Variants in PFKFB2 observed in about 807,000 individuals in gnomAD.
PFKFB2 encodes 6-phosphofructo-2-kinase/fructose-2,6-bisphosphatase 2.
PFKFB2 carries 53 observed loss-of-function variants against 68.0 expected under a neutral mutation model. That is an observed-to-expected ratio of 0.78 (90% CI 0.63 to 0.98). The LOEUF is 0.98. PFKFB2 is among the 50% of genes least tolerant of loss of function. The pLI is 0.00. For synonymous variants in PFKFB2, 222 were observed against 227.6 expected (o/e 0.98, Z 0.22); for missense variants, 451 against 642.0 (o/e 0.70, Z 3.22).
At position 207,072,227 on chromosome 1, in the gene PFKFB2, C is replaced by T; in HGVS notation, c.1374C>T (p.Thr458=). The T allele has an allele frequency of 6.2e-7, 1 of 1,614,012 alleles. No individual in the cohort carries two copies. Among genetic ancestry groups the T allele is most frequent in the South Asian group, 1.1e-5 (1 of 91,062 alleles). ...AGAACAACTTCCCCAAGAACCAAAC[C>T]CCTGTAAGGATGAGAAGGAACAGCT... The part of the protein sequence containing the change: ...KPTNNFPKNQ[T]PVRMRRNSFT... The change falls in exon 15 of 15, where the codon ACC becomes ACT. Residue 458 remains threonine (T), a synonymous_variant. Transcript: ENST00000367080.
chr1:207,072,680 C>T lies in PFKFB2; in HGVS notation c.*309C>T. ...ATACACTCCCTTGGGGCTGAGCATG[C>T]CCCACACTCTTGGATCTTCTCTCTG... On this transcript the variant is annotated 3_prime_UTR_variant, in exon 15 of 15. Coordinates refer to ENST00000367080, the MANE Select transcript of PFKFB2 (RefSeq NM_006212.2). The T allele has an allele frequency of 9.0e-7, 1 of 1,112,886 alleles. No homozygotes were observed. The highest frequency in any genetic ancestry group is 1.1e-6 in the Non-Finnish European group (1 of 910,654). The allele number at this position is 1,112,886 out of a possible 1,614,324, so 68.9% of individuals were successfully genotyped here. A position where few individuals can be genotyped will look rare whatever the true frequency, so the allele number is the denominator to read the frequency against.
chr1:207,067,408 C>T, intron 8 of PFKFB2, 91 bp from the exon 9 acceptor site: 1 of 858,778 alleles, frequency 1.2e-6, no homozygotes, highest in Admixed American at 2.2e-5. Flanking sequence ...CAGCTGTGAG[C>T]CTGCAAGTCC....
chr1:207,037,723 G>C (rs555371254), intron 1 of PFKFB2, among the ~76,000 whole-genome samples: 28 of 152,254 alleles, frequency 1.8e-4, no homozygotes, highest in African/African-American at 6.5e-4. Flanking sequence ...AATTCTTGGA[G>C]ATCCTATCTC....
chr1:207,058,645 G>T (rs532342978), intron 2 of PFKFB2, among the ~76,000 whole-genome samples: 1 of 152,040 alleles, frequency 6.6e-6, no homozygotes, highest in East Asian at 1.9e-4. Flanking sequence ...TTGAGACCGG[G>T]TTATGAGACT....
Position 207,073,035 on chromosome 1 carries a change from G to T in PFKFB2, c.*664G>T. The T allele has an allele frequency of 3.0e-6, 3 of 985,492 alleles. No homozygotes were observed. Among genetic ancestry groups the T allele is most frequent in the African/African-American group, 3.5e-5 (2 of 57,338 alleles). The allele number at this position is 985,492 out of a possible 1,614,324, so 61.0% of individuals were successfully genotyped here. On this transcript the variant is annotated 3_prime_UTR_variant, in exon 15 of 15. Transcript: ENST00000367080. Reference sequence around the variant, plus strand: ...CCTTTCCTTTCTCCCTTCCTCTCCAGCCAGGTCCTGTAAGGGCCAGCCCAG... The same window carrying T: ...CCTTTCCTTTCTCCCTTCCTCTCCATCCAGGTCCTGTAAGGGCCAGCCCAG...
At position 207,073,518 on chromosome 1, in the gene PFKFB2, A is replaced by G. The variant is rs1374631980; in HGVS notation, c.*1147A>G. ...ACACTGTCCTTAAGAAGAAAGAAACATCAAAACAAAATAGTTTTTACATGA... is the reference window on the plus strand; with the variant it reads ...ACACTGTCCTTAAGAAGAAAGAAACGTCAAAACAAAATAGTTTTTACATGA... On this transcript the variant is annotated 3_prime_UTR_variant, in exon 15 of 15. Coordinates refer to ENST00000367080, the MANE Select transcript of PFKFB2 (RefSeq NM_006212.2). 3 of 985,242 alleles carry G rather than the reference A, an allele frequency of 3.0e-6. No homozygotes were observed. Among genetic ancestry groups the G allele is most frequent in the Admixed American group, 6.1e-5 (1 of 16,278 alleles). 61.0% of individuals were successfully genotyped at this position (985,242 alleles called of 1,614,324 possible).
In PFKFB2 at chr1:207,042,538, ACT is replaced by A. The variant is rs927673349; in HGVS notation, c.-18+329_-18+330del. 1.7e-4 allele frequency among the ~76,000 whole-genome samples: 19 copies of A among 113,014 alleles called. No homozygotes were observed. In the East Asian group the frequency reaches 1.9e-3, roughly 11 times the overall value. The allele number at this position is 113,014 out of a possible 152,430, so 74.1% of individuals were successfully genotyped here. A position where few individuals can be genotyped will look rare whatever the true frequency, so the allele number is the denominator to read the frequency against. ...GCTGCAGCCTGGGCGACACAGCAACACTCTGTCTCACAAAAAAAAAAAAAAAA... is the reference window on the plus strand; with the variant it reads ...GCTGCAGCCTGGGCGACACAGCAACACTGTCTCACAAAAAAAAAAAAAAAA... On this transcript the variant is annotated intron_variant, in intron 2 of 5. Transcript: ENST00000545806.
rs751486704 is a variant in PFKFB2, at chr1:207,068,255, T to G, written c.933T>G (p.Ala311=). Residue 311 remains alanine (A), a synonymous_variant, in exon 10 of 15, where the codon GCT becomes GCG. Coordinates refer to ENST00000367080, the MANE Select transcript of PFKFB2 (RefSeq NM_006212.2). ...AGTTGAAGAGGACCATACAGACTGC[T>G]GAATCTCTCGGGGTGCCCTATGAGC... The part of the protein sequence containing the change: ...TSQLKRTIQT[A]ESLGVPYEQW... 3.1e-6 allele frequency: 5 copies of G among 1,611,706 alleles called. No individual in the cohort carries two copies. Among genetic ancestry groups the G allele is most frequent in the Non-Finnish European group, 4.2e-6 (5 of 1,178,688 alleles).
chr1:207,044,158 G>T (rs1269237519), intron 2 of PFKFB2: 1 of 152,248 alleles, frequency 6.6e-6, no homozygotes, highest in African/African-American at 2.4e-5. Context: ...CTAATTTGAC[G>T]GTCTTTACTT....
At position 207,074,066 on chromosome 1, in the gene PFKFB2, C is replaced by T. The variant is rs1007273352; in HGVS notation, c.*1695C>T. The stretch of plus-strand genomic sequence containing the variant: ...GAATCATAAACATGCCTGTGTCCAC[C>T]TTATGCTTAATACTGACTCAGAATC... On this transcript the variant is annotated 3_prime_UTR_variant, in exon 15 of 15. Transcript: ENST00000367080. 3.3e-6 allele frequency: 3 copies of T among 896,676 alleles called. No individual in the cohort carries two copies. Among genetic ancestry groups the T allele is most frequent in the African/African-American group, 1.8e-5 (1 of 55,414 alleles). 55.5% of individuals were successfully genotyped at this position (896,676 alleles called of 1,614,324 possible).
chr1:207,079,175 C>T (rs1313140448), downstream of PFKFB2: 1 of 673,736 alleles, frequency 1.5e-6, no homozygotes, highest in Non-Finnish European at 2.7e-6. Context: ...CATATTTCCT[C>T]CCCTCCTGCC....
At position 207,062,615 on chromosome 1, in the gene PFKFB2, T is replaced by A. The variant is rs767612754; in HGVS notation, c.212-5T>A. On this transcript the variant is annotated splice_region_variant and splice_polypyrimidine_tract_variant and intron_variant, in intron 3 of 14. Coordinates refer to ENST00000367080, the MANE Select transcript of PFKFB2 (RefSeq NM_006212.2). ...GCTGCTGAAGGATTTGGGTGTCTTC[T>A]ACAGTGTTTAATCTTGGGGTGTATC... 6.2e-7 allele frequency: 1 copy of A among 1,613,378 alleles called. No individual in the cohort carries two copies. Among genetic ancestry groups the A allele is most frequent in the Admixed American group, 1.7e-5 (1 of 59,872 alleles).
chr1:207,073,329 C>G lies in PFKFB2; in HGVS notation c.*958C>G, dbSNP rs979211256. The G allele has an allele frequency of 6.7e-5, 66 of 985,334 alleles. No homozygotes were observed. The highest frequency in any genetic ancestry group is 7.6e-5 in the Non-Finnish European group (63 of 829,962). The allele number at this position is 985,334 out of a possible 1,614,324, so 61.0% of individuals were successfully genotyped here. A position where few individuals can be genotyped will look rare whatever the true frequency, so the allele number is the denominator to read the frequency against. On this transcript the variant is annotated 3_prime_UTR_variant, in exon 15 of 15. Transcript: ENST00000367080. ...GTCATGTCTTTTCTCCCATGACTCT[C>G]AGGTTCTTTGCCAATCACAGCAACT...
chr1:207,061,163 CTTTATATA>C (rs1322601628), intron 2 of PFKFB2, among the ~76,000 whole-genome samples: 2 of 42,264 alleles, frequency 4.7e-5, no homozygotes, highest in African/African-American at 2.4e-4. Flanking sequence ...TTATATATAT[CTTTATATA>C]TATATATATA....
At chr1:207,047,852 CA>C (rs1235328253) in intron 2 of PFKFB2, 1 of 152,082 alleles carries the variant, frequency 6.6e-6, no homozygotes, top group Non-Finnish European at 1.5e-5. Context: ...CTTCAAAAAT[CA>C]AAGTAAAAGA....
At chr1:207,054,229 G>T (rs1052797548) in intron 1 of PFKFB2, among the ~76,000 whole-genome samples, 2 of 151,824 alleles carry the variant, frequency 1.3e-5, no homozygotes, top group East Asian at 3.9e-4. Flanking sequence ...GAGTCCTACC[G>T]TTAGATTGGA....
At chr1:207,049,042 T>C, upstream of PFKFB2, 2 of 1,613,806 alleles carry the variant, frequency 1.2e-6, no homozygotes, top group Middle Eastern at 1.7e-4. Flanking sequence ...AAAGTTGGTA[T>C]GGCCTGTCTC....
At chr1:207,061,165 TTATATATATATATATATATATATATA>T (rs201702529) in intron 2 of PFKFB2, among the ~76,000 whole-genome samples, 1 of 45,208 alleles carries the variant, frequency 2.2e-5, no homozygotes, top group Non-Finnish European at 4.2e-5. Context: ...ATATATATCT[TTATATATATATATATATATATATATA>T]TATATATATA....
At chr1:207,050,092 T>A (rs905263626), upstream of PFKFB2, among the ~76,000 whole-genome samples, 2 of 150,482 alleles carry the variant, frequency 1.3e-5, no homozygotes, top group African/African-American at 4.8e-5. Flanking sequence ...CGGAAACTTA[T>A]CTACTCTAGA....
Sources: allele counts gnomAD v4.1 joint callset (sites outside exome capture counted in the v4.1 genomes callset), GRCh38; gene constraint gnomAD v4.1.1; transcripts MANE v1.5; gene names NCBI Gene and HGNC (gene_info 2026-07-23, HGNC 2026-07-21).